Variants in MAGI2 observed in about 807,000 individuals in gnomAD.
MAGI2 encodes membrane associated guanylate kinase, WW and PDZ domain containing 2.
A neutral mutation model predicts 133.3 loss-of-function variants in MAGI2; 35 were observed. The ratio of observed to expected loss-of-function variants is 0.26; its 90% CI spans 0.20 to 0.35. The LOEUF is 0.35. Among genes scored for constraint, MAGI2 ranks in the 10% least tolerant of loss-of-function variants. The pLI, the probability that MAGI2 is intolerant of heterozygous loss-of-function variation, is 1.00. For missense variants in MAGI2, 1,636 were observed against 1,863.4 expected (o/e 0.88, Z 2.25); for synonymous variants, 729 against 710.6 (o/e 1.03, Z -0.41).
intron 10 of MAGI2, among the ~76,000 whole-genome samples, chr7:78,228,476 C>CT (rs1247835755): frequency 6.6e-6 from 1 of 152,126 alleles, no homozygotes; most frequent in Non-Finnish European, 1.5e-5. Flanking sequence ...AAGCAAGGTT[C>CT]TAACAGGAAG....
At chr7:78,814,092 A>G (rs772606324) in intron 2 of MAGI2, among the ~76,000 whole-genome samples, 2 of 152,152 alleles carry the variant, frequency 1.3e-5, no homozygotes, top group African/African-American at 2.4e-5. Flanking sequence ...ATATTAAGAG[A>G]GAGATATATA....
chr7:79,145,408 G>C (rs1822524690), intron 1 of MAGI2, among the ~76,000 whole-genome samples: 1 of 152,018 alleles, frequency 6.6e-6, no homozygotes, highest in South Asian at 2.1e-4. Context: ...CTGTTGATTT[G>C]GTCTCAATAG....
intron 20 of MAGI2, among the ~76,000 whole-genome samples, chr7:78,119,231 A>T (rs563441099): frequency 1.3e-5 from 2 of 152,308 alleles, no homozygotes; most frequent in South Asian, 4.1e-4. Flanking sequence ...TATAATGTGG[A>T]TACATGCCAT....
chr7:79,060,432 C>T (rs991961978), intron 1 of MAGI2, among the ~76,000 whole-genome samples: 1 of 151,798 alleles, frequency 6.6e-6, no homozygotes, highest in South Asian at 2.1e-4. Context: ...GGATACTTAC[C>T]TCTTAGTATT....
chr7:78,556,110 A>AAT (rs1563164163), intron 3 of MAGI2, among the ~76,000 whole-genome samples: 52 of 151,940 alleles, frequency 3.4e-4, no homozygotes, highest in Non-Finnish European at 5.9e-4. Flanking sequence ...TTTTCCAAAA[A>AAT]GTATATATAT....
chr7:78,194,272 T>A (rs1217628274), intron 12 of MAGI2, among the ~76,000 whole-genome samples: 2 of 152,184 alleles, frequency 1.3e-5, no homozygotes, highest in African/African-American at 2.4e-5. Context: ...ACAACAATTT[T>A]AAAAGACCTT....
At chr7:78,378,160 C>T (rs1794618167) in intron 6 of MAGI2, among the ~76,000 whole-genome samples, 2 of 151,300 alleles carry the variant, frequency 1.3e-5, no homozygotes, top group African/African-American at 4.9e-5. Flanking sequence ...TAGAGTGAAC[C>T]TAAAATATAA....
At chr7:79,365,576 G>C (rs886572036) in intron 1 of MAGI2, among the ~76,000 whole-genome samples, 2 of 152,014 alleles carry the variant, frequency 1.3e-5, no homozygotes, top group African/African-American at 4.8e-5. Flanking sequence ...TAACAAAATA[G>C]GCCAGGGGCG....
chr7:79,137,821 A>G (rs1821735157), intron 1 of MAGI2, among the ~76,000 whole-genome samples: 1 of 151,902 alleles, frequency 6.6e-6, no homozygotes, highest in Non-Finnish European at 1.5e-5. Flanking sequence ...CCCACAACAT[A>G]TGTCTATGTC....
intron 21 of MAGI2, among the ~76,000 whole-genome samples, chr7:78,050,209 T>A (rs1237329849): frequency 6.6e-6 from 1 of 152,230 alleles, no homozygotes; most frequent in Non-Finnish European, 1.5e-5. Flanking sequence ...TGTGTTTATA[T>A]AACACATTTT....
At chr7:78,424,769 G>A (rs1354638315) in intron 6 of MAGI2, among the ~76,000 whole-genome samples, 1 of 152,160 alleles carries the variant, frequency 6.6e-6, no homozygotes, top group Non-Finnish European at 1.5e-5. Flanking sequence ...GGACTTGCAT[G>A]GGGTCTGTAG....
chr7:79,025,438 C>T (rs1253229711), intron 1 of MAGI2, among the ~76,000 whole-genome samples: 2 of 152,116 alleles, frequency 1.3e-5, no homozygotes, highest in Non-Finnish European at 2.9e-5. Flanking sequence ...ATTTGTAAAC[C>T]AAACTCCTGT....
rs150248339 is a variant in MAGI2 at position 78,413,076 on chromosome 7, G to A, written c.1046-43863C>T. On this transcript the variant is annotated intron_variant, in intron 6 of 21. Transcript: ENST00000354212. ...AAAAGTCACTGTTATCTGAAGTCAG[G>A]TGCCAGGTAGCTGTGTGACTTTGAC... Among the ~76,000 whole-genome samples, 394 of 152,148 alleles carry A rather than the reference G, an allele frequency of 2.6e-3. 3 individuals are homozygous for A. The highest frequency in any genetic ancestry group is 9.0e-3 in the African/African-American group (373 of 41,534).
At chr7:78,562,998 T>TTG (rs34075476) in intron 3 of MAGI2, among the ~76,000 whole-genome samples, 2 of 88,286 alleles carry the variant, frequency 2.3e-5, no homozygotes, top group African/African-American at 7.9e-5. Flanking sequence ...TTTTTTGTTG[T>TTG]TTTTTTTTTT....
At chr7:78,791,059 A>G (rs1827204037) in intron 2 of MAGI2, among the ~76,000 whole-genome samples, 1 of 152,196 alleles carries the variant, frequency 6.6e-6, no homozygotes, top group Non-Finnish European at 1.5e-5. Flanking sequence ...ATGTTAATCA[A>G]CTATTATACT....
At position 78,883,284 on chromosome 7, in the gene MAGI2, C is replaced by A. The variant is rs568457760; in HGVS notation, c.418+123806G>T. Among the ~76,000 whole-genome samples the A allele has an allele frequency of 4.0e-4, 61 of 151,746 alleles. No individual in the cohort carries two copies. In the East Asian group the frequency reaches 5.4e-3, roughly 13 times the overall value. On this transcript the variant is annotated intron_variant, in intron 2 of 21. Transcript: ENST00000354212. ...CACACAAAACAAAACAAAACAAAAC[C>A]AAATAAACAAAAAACACCAAGGAAT...
intron 2 of MAGI2, among the ~76,000 whole-genome samples, chr7:78,836,995 T>C (rs757373499): frequency 1.8e-4 from 28 of 152,344 alleles, no homozygotes; most frequent in Middle Eastern, 3.4e-3. Context: ...TGTGGTGAAT[T>C]ATAATTTATC....
At chr7:78,637,657 CT>C (rs1809819844) in intron 2 of MAGI2, among the ~76,000 whole-genome samples, 1 of 152,134 alleles carries the variant, frequency 6.6e-6, no homozygotes, top group Non-Finnish European at 1.5e-5. Context: ...GTAACATACA[CT>C]TTGGAATTAG....
chr7:79,431,957 A>C (rs1393443420), intron 1 of MAGI2, among the ~76,000 whole-genome samples: 1 of 152,208 alleles, frequency 6.6e-6, no homozygotes, highest in Non-Finnish European at 1.5e-5. Context: ...CTCTCTCTCC[A>C]TAAGCTTCCT....
Sources: gnomAD v4.1 joint callset for allele counts (sites outside exome capture counted in the v4.1 genomes callset) on GRCh38, gnomAD v4.1.1 for gene constraint, MANE v1.5 for transcripts, NCBI Gene and HGNC (gene_info 2026-07-23, HGNC 2026-07-21) for gene names.